SDK2: variants seen among roughly 807,000 people sequenced by gnomAD.
The protein encoded by SDK2 is sidekick cell adhesion molecule 2, also known as protein sidekick-2.
SDK2 carries 105 observed loss-of-function variants against 253.9 expected under a neutral mutation model. That is an observed-to-expected ratio of 0.41 (90% CI 0.35 to 0.49). The LOEUF (loss-of-function observed/expected upper bound fraction) is 0.49. Ranked by LOEUF, SDK2 falls within the 20% of genes least tolerant of loss-of-function variation. The pLI, the probability that SDK2 is intolerant of heterozygous loss-of-function variation, is 0.06. For synonymous variants in SDK2, 1,249 were observed against 1,234.9 expected (o/e 1.01, Z -0.24); for missense variants, 2,608 against 3,003.0 (o/e 0.87, Z 3.07).
rs150584346 is a variant in SDK2 at position 73,490,338 on chromosome 17, G to A, written c.224+17100C>T. ...AAAGGCGTCCCAAGTCAAACTACTC[G>A]GCTTTGCTCTGCCCAGGTAGCTCTG... On this transcript the variant is annotated intron_variant, in intron 2 of 44. Coordinates refer to ENST00000392650, the MANE Select transcript of SDK2 (RefSeq NM_001144952.2). 1.3e-3 allele frequency among the ~76,000 whole-genome samples: 198 copies of A among 152,254 alleles called. 1 individual carries two copies. Among genetic ancestry groups the A allele is most frequent in the African/African-American group, 4.5e-3 (188 of 41,548 alleles).
intron 1 of SDK2, among the ~76,000 whole-genome samples, chr17:73,593,000 C>T (rs1415248851): frequency 6.9e-6 from 1 of 145,596 alleles, no homozygotes; most frequent in Non-Finnish European, 1.5e-5. Flanking sequence ...GTGGGACGTA[C>T]ACTTGGAGTT....
intron 1 of SDK2, among the ~76,000 whole-genome samples, chr17:73,557,210 T>C (rs904278262): frequency 2.6e-5 from 4 of 152,226 alleles, no homozygotes; most frequent in East Asian, 1.9e-4. Flanking sequence ...ACACAGTTCA[T>C]AGCGCACGCT....
At chr17:73,452,490 T>A (rs1423724023) in intron 4 of SDK2, among the ~76,000 whole-genome samples, 2 of 152,090 alleles carry the variant, frequency 1.3e-5, no homozygotes, top group Non-Finnish European at 2.9e-5. Flanking sequence ...GAGGTATGCA[T>A]GTGTGTGCAG....
intron 1 of SDK2, among the ~76,000 whole-genome samples, chr17:73,602,101 A>T (rs1441155194): frequency 6.6e-6 from 1 of 152,206 alleles, no homozygotes; most frequent in African/African-American, 2.4e-5. Context: ...GCCACAGGAA[A>T]CCAATACAGG....
At chr17:73,625,988 C>G (rs1285412092) in intron 1 of SDK2, among the ~76,000 whole-genome samples, 1 of 152,150 alleles carries the variant, frequency 6.6e-6, no homozygotes, top group Non-Finnish European at 1.5e-5. Context: ...TGCCGCTGGT[C>G]CTGCCAGTGG....
At chr17:73,426,631 T>C (rs1275550002) in intron 12 of SDK2, among the ~76,000 whole-genome samples, 2 of 151,948 alleles carry the variant, frequency 1.3e-5, no homozygotes, top group Non-Finnish European at 2.9e-5. Flanking sequence ...AGTGAAATCG[T>C]TGAGTTAATT....
intron 1 of SDK2, among the ~76,000 whole-genome samples, chr17:73,628,750 C>T (rs2046233624): frequency 6.6e-6 from 1 of 152,236 alleles, no homozygotes; most frequent in Non-Finnish European, 1.5e-5. Flanking sequence ...ATTCCCAGCC[C>T]TGCAGAGGAT....
chr17:73,425,789 G>A (rs1052680482), intron 12 of SDK2, among the ~76,000 whole-genome samples: 1 of 152,038 alleles, frequency 6.6e-6, no homozygotes, highest in Admixed American at 6.6e-5. Flanking sequence ...TTACAGGTGT[G>A]AGCCACCACG....
intron 37 of SDK2, 36 bp from the exon 38 acceptor site, chr17:73,365,431 T>C: frequency 6.4e-7 from 1 of 1,560,228 alleles, no homozygotes; most frequent in Non-Finnish European, 8.7e-7. Flanking sequence ...GTTTCCTTCT[T>C]CTGTGGAAGT....
chr17:73,358,245 G>A, intron 39 of SDK2, 41 bp from the exon 40 acceptor site: 3 of 1,554,784 alleles, frequency 1.9e-6, no homozygotes, highest in Non-Finnish European at 2.6e-6. Flanking sequence ...ATGGAACCCA[G>A]AACAGCCACC....
chr17:73,428,637 G>C (rs2033657315), intron 12 of SDK2, among the ~76,000 whole-genome samples: 1 of 152,200 alleles, frequency 6.6e-6, no homozygotes, highest in Non-Finnish European at 1.5e-5. Context: ...TTTGCAGATA[G>C]AACAGGGTTT....
chr17:73,380,968 CGGGGCG>C lies in SDK2; in HGVS notation c.4706-24_4706-19del. ...GTACATGGCTATGGGGTGGGGGTGC[CGGGGCG>C]GGGGCGCAGAGGGAGACAGCAGACA... On this transcript the variant is annotated intron_variant, in intron 33 of 44. Coordinates refer to ENST00000392650, the MANE Select transcript of SDK2 (RefSeq NM_001144952.2). 9.7e-6 allele frequency: 6 copies of C among 618,838 alleles called. No individual in the cohort carries two copies. Among genetic ancestry groups the C allele is most frequent in the Non-Finnish European group, 1.7e-5 (6 of 353,916 alleles). The allele number at this position is 618,838 out of a possible 1,614,324, so 38.3% of individuals were successfully genotyped here. A position where few individuals can be genotyped will look rare whatever the true frequency, so the allele number is the denominator to read the frequency against.
intron 1 of SDK2, among the ~76,000 whole-genome samples, chr17:73,587,661 C>T (rs1367998409): frequency 6.6e-6 from 1 of 152,206 alleles, no homozygotes; most frequent in African/African-American, 2.4e-5. Context: ...CTGACTCTTC[C>T]AGCCCCGGGG....
At chr17:73,372,635 G>A (rs1321798422) in intron 36 of SDK2, among the ~76,000 whole-genome samples, 4 of 151,976 alleles carry the variant, frequency 2.6e-5, no homozygotes, top group African/African-American at 7.3e-5. Context: ...CAGCTACTCG[G>A]GAGGCTGAGA....
chr17:73,432,458 T>A (rs999366300), intron 10 of SDK2, among the ~76,000 whole-genome samples: 1 of 152,054 alleles, frequency 6.6e-6, no homozygotes, highest in Non-Finnish European at 1.5e-5. Flanking sequence ...GTGGATGTGT[T>A]TATTTCCATG....
chr17:73,628,030 C>T lies in SDK2; in HGVS notation c.64+15995G>A, dbSNP rs533725107. Among the ~76,000 whole-genome samples, 12 of 152,310 alleles carry T rather than the reference C, an allele frequency of 7.9e-5. No homozygotes were observed. The South Asian group carries it at 1.0e-3, about 13-fold the overall frequency. ...TCGTGCCACTGCACTCCAGCCTGGG[C>T]GACAGAGCGAGACTCCGTCTCAAAA... On this transcript the variant is annotated intron_variant, in intron 1 of 44. Transcript: ENST00000392650.
At position 73,443,563 on chromosome 17, in the gene SDK2, T is replaced by C. The variant is rs898930511; in HGVS notation, c.614-2640A>G. Among the ~76,000 whole-genome samples, 7 of 152,130 alleles carry C rather than the reference T, an allele frequency of 4.6e-5. No homozygotes were observed. The highest frequency in any genetic ancestry group is 1.7e-4 in the African/African-American group (7 of 41,440). On this transcript the variant is annotated intron_variant, in intron 5 of 44. Transcript: ENST00000392650. The surrounding 1 kb of genome is among the most constrained non-coding windows in gnomAD (Gnocchi z 4.6). ...GGAAGGCGAGTTCTGAGTTTAAAAA[T>C]ACGAGGGCTGCCCCAGGGCTCAGGG...
chr17:73,386,823 C>T (rs1032125285), intron 30 of SDK2, among the ~76,000 whole-genome samples: 4 of 152,228 alleles, frequency 2.6e-5, no homozygotes, highest in Non-Finnish European at 4.4e-5. Context: ...CATAGCATCC[C>T]GAGAAGGAAA....
chr17:73,391,413 C>T (rs747778580), intron 28 of SDK2, 27 bp downstream of exon 28: 18 of 1,252,980 alleles, frequency 1.4e-5, no homozygotes, highest in East Asian at 8.6e-5. Flanking sequence ...TTCCTGCAGC[C>T]GGGGCACGGG....
Sources: gnomAD v4.1 joint callset for allele counts (sites outside exome capture counted in the v4.1 genomes callset) on GRCh38, gnomAD v4.1.1 for gene constraint, Gnocchi (gnomAD v3.1) non-coding constraint, MANE v1.5 for transcripts, NCBI Gene and HGNC (gene_info 2026-07-23, HGNC 2026-07-21) for gene names.